The following ADGRB3 variants were observed in gnomAD, a reference collection of about 807,000 sequenced individuals.
The protein encoded by ADGRB3 is brain-specific angiogenesis inhibitor 3.
Under a neutral mutation model 193.4 loss-of-function variants are expected in ADGRB3, and 37 were observed. The ratio of observed to expected loss-of-function variants is 0.19; its 90% CI spans 0.15 to 0.25. The LOEUF (loss-of-function observed/expected upper bound fraction) is 0.25, where lower values mean the gene tolerates loss of function less well. ADGRB3 is among the 10% of genes least tolerant of loss of function. The pLI is 1.00. For synonymous variants in ADGRB3, 690 were observed against 644.2 expected (o/e 1.07, Z -1.08); for missense variants, 1,637 against 1,852.9 (o/e 0.88, Z 2.14).
chr6:69,060,361 A>G lies in ADGRB3; in HGVS notation c.2334-2573A>G, dbSNP rs574249788. Among the ~76,000 whole-genome samples, 114 of 151,946 alleles carry G rather than the reference A, an allele frequency of 7.5e-4. 2 individuals carry two copies. The highest frequency in any genetic ancestry group is 1.4e-3 in the Admixed American group (22 of 15,204). ...GCTGATGAACCTAACACAGTGTAAT[A>G]TACCCTGCAGAAGGCAACTTATTGT... On this transcript the variant is annotated intron_variant, in intron 15 of 31. Coordinates refer to ENST00000370598, the MANE Select transcript of ADGRB3 (RefSeq NM_001704.3).
chr6:68,732,324 C>A (rs990762964), intron 3 of ADGRB3, among the ~76,000 whole-genome samples: 1 of 151,660 alleles, frequency 6.6e-6, no homozygotes, highest in Admixed American at 6.6e-5. Flanking sequence ...CTTCTCCCAC[C>A]CTCCAAATAC....
intron 18 of ADGRB3, among the ~76,000 whole-genome samples, chr6:69,233,911 G>A (rs958701995): frequency 6.6e-6 from 1 of 152,112 alleles, no homozygotes; most frequent in African/African-American, 2.4e-5. Context: ...TGAAGTTTTT[G>A]TGAAAGCATG....
intron 3 of ADGRB3, among the ~76,000 whole-genome samples, chr6:68,872,895 A>AT (rs766460578): frequency 3.3e-5 from 5 of 152,190 alleles, no homozygotes; most frequent in South Asian, 2.1e-4. Context: ...ATTTTAATGT[A>AT]TTTTTTTGTT....
intron 15 of ADGRB3, among the ~76,000 whole-genome samples, chr6:69,051,807 T>C (rs1055228122): frequency 3.3e-5 from 5 of 152,242 alleles, no homozygotes; most frequent in African/African-American, 1.2e-4. Context: ...CTGCTAACAG[T>C]ACTGTATTAA....
intron 8 of ADGRB3, among the ~76,000 whole-genome samples, chr6:68,967,260 G>T (rs1049888706): frequency 6.6e-6 from 1 of 152,110 alleles, no homozygotes; most frequent in Non-Finnish European, 1.5e-5. Context: ...ATTGACTTTT[G>T]CTTTTCATTT....
intron 17 of ADGRB3, among the ~76,000 whole-genome samples, chr6:69,188,228 A>G (rs1319011156): frequency 6.6e-6 from 1 of 152,196 alleles, no homozygotes; most frequent in Admixed American, 6.6e-5. Flanking sequence ...GATAGGGAAA[A>G]GGACTATTCT....
rs142283976 is a variant in ADGRB3, at chr6:69,164,226, C to T, written c.2481-69064C>T. 2.1e-4 allele frequency among the ~76,000 whole-genome samples: 32 copies of T among 152,170 alleles called. No individual in the cohort carries two copies. The East Asian group carries it at 6.0e-3, about 29-fold the overall frequency. The stretch of plus-strand genomic sequence containing the variant: ...ACTGCCTGTGGGTAGGACCTGGCTC[C>T]CATTTATCTTTTTTCCCCCTACACC... On this transcript the variant is annotated intron_variant, in intron 17 of 31. Coordinates refer to ENST00000370598, the MANE Select transcript of ADGRB3 (RefSeq NM_001704.3).
chr6:68,756,141 T>C (rs1766295202), intron 3 of ADGRB3, among the ~76,000 whole-genome samples: 1 of 152,100 alleles, frequency 6.6e-6, no homozygotes, highest in Admixed American at 6.6e-5. Context: ...GGGAAATTTC[T>C]TCAGGTCAAA....
intron 3 of ADGRB3, among the ~76,000 whole-genome samples, chr6:68,883,875 C>T (rs772626705): frequency 1.3e-5 from 2 of 152,262 alleles, no homozygotes; most frequent in East Asian, 1.9e-4. Flanking sequence ...ATAGTTACAA[C>T]TATATGTATC....
chr6:69,360,792 G>A, intron 28 of ADGRB3, 77 bp from the exon 29 acceptor site: 1 of 1,387,746 alleles, frequency 7.2e-7, no homozygotes, highest in Non-Finnish European at 9.8e-7. Flanking sequence ...TTAGTAGAAA[G>A]CGAGACAACA....
chr6:69,037,199 C>T (rs1297929002), intron 13 of ADGRB3, among the ~76,000 whole-genome samples: 1 of 152,060 alleles, frequency 6.6e-6, no homozygotes, highest in Non-Finnish European at 1.5e-5. Flanking sequence ...GTGGCACCTT[C>T]TAGTAAGATG....
At chr6:68,652,966 A>G (rs1224989234) in intron 3 of ADGRB3, among the ~76,000 whole-genome samples, 1 of 152,082 alleles carries the variant, frequency 6.6e-6, no homozygotes, top group Non-Finnish European at 1.5e-5. Flanking sequence ...ACAGACTCCT[A>G]CCATTCTGGG....
intron 3 of ADGRB3, among the ~76,000 whole-genome samples, chr6:68,732,902 G>C (rs1019641133): frequency 1.3e-5 from 2 of 151,858 alleles, no homozygotes; most frequent in Non-Finnish European, 2.9e-5. Context: ...AAGGTCCCTG[G>C]ACCCCACTCC....
intron 11 of ADGRB3, among the ~76,000 whole-genome samples, chr6:69,000,896 C>T (rs893013358): frequency 5.9e-5 from 9 of 152,134 alleles, no homozygotes; most frequent in African/African-American, 2.2e-4. Context: ...TGGTGAGGCT[C>T]AGAAATATAT....
chr6:69,322,384 G>A (rs1349076366), intron 20 of ADGRB3, among the ~76,000 whole-genome samples: 1 of 151,892 alleles, frequency 6.6e-6, no homozygotes, highest in Non-Finnish European at 1.5e-5. Context: ...TGGGATTGCT[G>A]GGTCAAGTGA....
chr6:69,378,907 CT>C (rs1308782104), intron 30 of ADGRB3, among the ~76,000 whole-genome samples: 1 of 151,942 alleles, frequency 6.6e-6, no homozygotes, highest in Non-Finnish European at 1.5e-5. Context: ...TATAGAATCA[CT>C]TTTTCTCTAA....
chr6:69,104,082 T>A (rs1052358741), intron 17 of ADGRB3, among the ~76,000 whole-genome samples: 3 of 151,904 alleles, frequency 2.0e-5, no homozygotes, highest in Admixed American at 6.6e-5. Context: ...CATGTGCACA[T>A]TGTGCAGGTT....
chr6:68,765,931 A>G (rs1322648703), intron 3 of ADGRB3, among the ~76,000 whole-genome samples: 1 of 152,008 alleles, frequency 6.6e-6, no homozygotes, highest in Non-Finnish European at 1.5e-5. Flanking sequence ...TCTGAAAAAA[A>G]TGTTTTATTT....
chr6:69,040,956 G>A (rs1000665589), intron 13 of ADGRB3, among the ~76,000 whole-genome samples: 4 of 152,204 alleles, frequency 2.6e-5, no homozygotes, highest in Middle Eastern at 3.4e-3. Flanking sequence ...AAACTCCTAA[G>A]GTGAAGAATG....
Sources: allele counts gnomAD v4.1 joint callset (sites outside exome capture counted in the v4.1 genomes callset), GRCh38; gene constraint gnomAD v4.1.1; transcripts MANE v1.5; gene names NCBI Gene and HGNC (gene_info 2026-07-23, HGNC 2026-07-21).